Variants in CADM2 observed in about 807,000 individuals in gnomAD.
CADM2 encodes the protein cell adhesion molecule 2.
CADM2 carries 12 observed loss-of-function variants against 49.8 expected under a neutral mutation model. The observed-to-expected ratio is 0.24, with a 90% CI of 0.15 to 0.39. CADM2 has a LOEUF of 0.39. Among genes scored for constraint, CADM2 ranks in the 10% least tolerant of loss-of-function variants. The probability of loss-of-function intolerance (pLI) is 1.00; values close to 1 mark genes in which losing one functional copy is unlikely to be tolerated. For missense variants in CADM2, 378 were observed against 492.3 expected, an observed-to-expected ratio of 0.77 and a Z score of 2.20; for synonymous variants, 214 against 175.4, an observed-to-expected ratio of 1.22 and a Z score of -1.74.
chr3:85,554,619 G>C (rs917122691), intron 1 of CADM2, among the ~76,000 whole-genome samples: 2 of 152,142 alleles, frequency 1.3e-5, no homozygotes, highest in Non-Finnish European at 2.9e-5. Context: ...AAGGGCATAC[G>C]TAAGTTTTTA....
intron 1 of CADM2, among the ~76,000 whole-genome samples, chr3:85,365,579 T>G (rs2032724777): frequency 6.6e-6 from 1 of 152,304 alleles, no homozygotes; most frequent in Admixed American, 6.5e-5. Context: ...TCCTGATTTT[T>G]TATGTATGTC....
intron 1 of CADM2, among the ~76,000 whole-genome samples, chr3:85,086,909 A>G (rs923668945): frequency 6.6e-6 from 1 of 152,190 alleles, no homozygotes; most frequent in Non-Finnish European, 1.5e-5. Context: ...TTTCATAGCA[A>G]TATTTTGTCT....
intron 5 of CADM2, among the ~76,000 whole-genome samples, chr3:85,898,625 T>C (rs1693923240): frequency 6.6e-6 from 1 of 151,688 alleles, no homozygotes. Context: ...TTCATGTTGT[T>C]GCATGTACAT....
chr3:85,552,402 G>A (rs1177419710), intron 1 of CADM2, among the ~76,000 whole-genome samples: 2 of 91,590 alleles, frequency 2.2e-5, no homozygotes, highest in Non-Finnish European at 3.9e-5. Flanking sequence ...TTTTTGAGAC[G>A]TAGGTTTTGC....
At chr3:85,076,650 T>C (rs1161592245) in intron 1 of CADM2, among the ~76,000 whole-genome samples, 8 of 151,732 alleles carry the variant, frequency 5.3e-5, no homozygotes, top group Non-Finnish European at 8.8e-5. Context: ...CCCGGCCATA[T>C]TGTTGATAAA....
At chr3:85,876,852 T>C (rs949746894) in intron 3 of CADM2, among the ~76,000 whole-genome samples, 1 of 152,158 alleles carries the variant, frequency 6.6e-6, no homozygotes, top group African/African-American at 2.4e-5. Flanking sequence ...CTTAATATGC[T>C]GGTACCTTTT....
intron 1 of CADM2, among the ~76,000 whole-genome samples, chr3:85,605,056 A>G (rs2063509084): frequency 6.6e-6 from 1 of 152,020 alleles, no homozygotes; most frequent in South Asian, 2.1e-4. Context: ...CATTGGCACT[A>G]ATCCTTATTT....
chr3:85,620,573 C>A (rs1358426516), intron 1 of CADM2, among the ~76,000 whole-genome samples: 1 of 151,806 alleles, frequency 6.6e-6, no homozygotes, highest in African/African-American at 2.4e-5. Flanking sequence ...AATACTGATT[C>A]TTTATTTTGC....
intron 1 of CADM2, among the ~76,000 whole-genome samples, chr3:85,531,796 C>G (rs2061317793): frequency 6.6e-6 from 1 of 152,074 alleles, no homozygotes; most frequent in Non-Finnish European, 1.5e-5. Flanking sequence ...ACAAAATTGG[C>G]TTTCTTCATA....
chr3:85,353,113 G>T (rs2031510768), intron 1 of CADM2, among the ~76,000 whole-genome samples: 1 of 152,046 alleles, frequency 6.6e-6, no homozygotes, highest in Non-Finnish European at 1.5e-5. Context: ...ATTTGTTGCA[G>T]CTTGGATTAT....
chr3:85,824,059 G>T (rs868709876), intron 3 of CADM2, among the ~76,000 whole-genome samples: 1 of 152,144 alleles, frequency 6.6e-6, no homozygotes, highest in Non-Finnish European at 1.5e-5. Context: ...GCATTTCGCT[G>T]TTGTAATTTT....
At chr3:85,962,365 T>A in intron 8 of CADM2, among the ~76,000 whole-genome samples, 1 of 152,028 alleles carries the variant, frequency 6.6e-6, no homozygotes, top group East Asian at 1.9e-4. Context: ...AATGACAGTG[T>A]CATTGAAATG....
At chr3:85,563,996 T>C (rs538476916) in intron 1 of CADM2, among the ~76,000 whole-genome samples, 2 of 152,184 alleles carry the variant, frequency 1.3e-5, no homozygotes, top group Non-Finnish European at 2.9e-5. Flanking sequence ...TGAATACCTT[T>C]AGCAACATTT....
At chr3:85,869,469 C>T (rs1195387609) in intron 3 of CADM2, among the ~76,000 whole-genome samples, 1 of 152,012 alleles carries the variant, frequency 6.6e-6, no homozygotes, top group Non-Finnish European at 1.5e-5. Context: ...TGTATTAGTT[C>T]TTAGCCCAAT....
At chr3:85,155,321 C>A (rs1419442212) in intron 1 of CADM2, among the ~76,000 whole-genome samples, 1 of 149,446 alleles carries the variant, frequency 6.7e-6, no homozygotes, top group African/African-American at 2.5e-5. Flanking sequence ...TTTAAACCAA[C>A]AAAGATCAAA....
rs1397524971 is a variant in CADM2, at chr3:85,769,175, CATATAT to C, written c.89-32870_89-32865del. On this transcript the variant is annotated intron_variant, in intron 2 of 9. Transcript: ENST00000383699. ...TATATACATATATAGTATATATACA[CATATAT>C]ACATATATAGTATATATACACATAT... 2.5e-3 allele frequency among the ~76,000 whole-genome samples: 205 copies of C among 80,670 alleles called. 38 individuals are homozygous for C. Among genetic ancestry groups the C allele is most frequent in the South Asian group, 7.7e-3 (18 of 2,334 alleles). The allele number at this position is 80,670 out of a possible 152,430, so 52.9% of individuals were successfully genotyped here.
At chr3:84,995,484 G>T (rs2033135936) in intron 1 of CADM2, among the ~76,000 whole-genome samples, 1 of 152,162 alleles carries the variant, frequency 6.6e-6, no homozygotes, top group African/African-American at 2.4e-5. Flanking sequence ...ACGGAAAGAA[G>T]CTTTAATTTG....
intron 8 of CADM2, among the ~76,000 whole-genome samples, chr3:86,024,507 A>G (rs2107082201): frequency 6.6e-6 from 1 of 152,318 alleles, no homozygotes; most frequent in East Asian, 1.9e-4. Context: ...AAATTATCTC[A>G]GGCCTGAGGT....
At chr3:85,665,272 A>T (rs549057659) in intron 1 of CADM2, among the ~76,000 whole-genome samples, 1 of 152,004 alleles carries the variant, frequency 6.6e-6, no homozygotes, top group African/African-American at 2.4e-5. Flanking sequence ...TAAGATTTTA[A>T]TTTATATTTA....
Sources: allele counts gnomAD v4.1 joint callset (sites outside exome capture counted in the v4.1 genomes callset), GRCh38; gene constraint gnomAD v4.1.1; transcripts MANE v1.5; gene names NCBI Gene and HGNC (gene_info 2026-07-23, HGNC 2026-07-21).